SLC25A15: variants seen among roughly 807,000 people sequenced by gnomAD.
SLC25A15 encodes the protein mitochondrial ornithine transporter 1.
A neutral mutation model predicts 32.3 loss-of-function variants in SLC25A15; 24 were observed. That is an observed-to-expected ratio of 0.74 (90% CI 0.54 to 1.04). The LOEUF (loss-of-function observed/expected upper bound fraction) is 1.04, where lower values mean the gene tolerates loss of function less well. Among genes scored for constraint, SLC25A15 ranks in the 50% least tolerant of loss-of-function variants. The probability of loss-of-function intolerance (pLI) is 0.00; values close to 1 mark genes in which losing one functional copy is unlikely to be tolerated. For missense variants in SLC25A15, 317 were observed against 374.5 expected (o/e 0.85, Z 1.27); for synonymous variants, 132 against 142.1 (o/e 0.93, Z 0.51).
At position 40,810,030 on chromosome 13, in the gene SLC25A15, G is replaced by C; in HGVS notation, c.*363G>C. The C allele has an allele frequency of 3.3e-6, 1 of 299,118 alleles. No individual in the cohort carries two copies. Among genetic ancestry groups the C allele is most frequent in the South Asian group, 3.5e-5 (1 of 28,978 alleles). 18.5% of individuals were successfully genotyped at this position (299,118 alleles called of 1,614,324 possible). ...TATGTGTTGAGGGAAATACAGTTTG[G>C]TACCTTGTTTATTTCAAATATCAGA... On this transcript the variant is annotated 3_prime_UTR_variant, in exon 7 of 7. Coordinates refer to ENST00000338625, the MANE Select transcript of SLC25A15 (RefSeq NM_014252.4).
At chr13:40,808,324 A>C in intron 5 of SLC25A15, 114 bp from the exon 6 acceptor site, 1 of 888,638 alleles carries the variant, frequency 1.1e-6, no homozygotes, top group Non-Finnish European at 1.9e-6. Flanking sequence ...TGTATTCTGT[A>C]GCATTAGCAT....
In SLC25A15 at chr13:40,809,748, T is replaced by C. The variant is rs1319099297; in HGVS notation, c.*81T>C. ...AGGGTTTCTTGGAGTACAAGACCAG[T>C]GTGAAGTTATTCTGATTTCTTGGGA... On this transcript the variant is annotated 3_prime_UTR_variant, in exon 7 of 7. Transcript: ENST00000338625. 1.3e-6 allele frequency: 2 copies of C among 1,482,222 alleles called. No homozygotes were observed. Among genetic ancestry groups the C allele is most frequent in the African/African-American group, 2.8e-5 (2 of 72,432 alleles). The allele number at this position is 1,482,222 out of a possible 1,614,324, so 91.8% of individuals were successfully genotyped here.
chr13:40,806,483 G>C (rs1882178412), intron 4 of SLC25A15, among the ~76,000 whole-genome samples: 1 of 152,220 alleles, frequency 6.6e-6, no homozygotes, highest in African/African-American at 2.4e-5. Flanking sequence ...GGATTGGAAG[G>C]GAGGTTAATT....
intron 2 of SLC25A15, among the ~76,000 whole-genome samples, chr13:40,796,132 G>A (rs749610991): frequency 4.6e-5 from 7 of 152,188 alleles, no homozygotes; most frequent in African/African-American, 1.7e-4. Context: ...GGTCACCCAC[G>A]GAAGCGATCC....
intron 1 of SLC25A15, among the ~76,000 whole-genome samples, chr13:40,789,930 A>G (rs936029213): frequency 1.3e-5 from 2 of 152,076 alleles, no homozygotes; most frequent in African/African-American, 4.8e-5. Flanking sequence ...TCCGCGCCTC[A>G]GGGGCGCCAG....
intron 3 of SLC25A15, 35 bp downstream of exon 3, chr13:40,799,350 A>C: frequency 6.2e-7 from 1 of 1,613,282 alleles, no homozygotes; most frequent in Non-Finnish European, 8.5e-7. Context: ...TTATTTGTTT[A>C]AAAAAACCCC....
At position 40,793,270 on chromosome 13, in the gene SLC25A15, C is replaced by T. The variant is rs202247806; in HGVS notation, c.44C>T (p.Ala15Val). 11 of 1,613,602 alleles carry T rather than the reference C, an allele frequency of 6.8e-6. No individual in the cohort carries two copies. The highest frequency in any genetic ancestry group is 1.7e-5 in the Admixed American group (1 of 59,960). The change falls in exon 2 of 7, where the codon GCG (alanine) becomes GTG (valine). Residue 15 changes from alanine (A) to valine (V), a missense_variant. Ala to Val is a moderately conservative substitution (Grantham distance 64). Transcript: ENST00000338625. ...ATCCAGGCTGCCATTGACCTCACAGCGGGGGCTGCAGGTACAGTCATGTGC... is the reference window on the plus strand; with the variant it reads ...ATCCAGGCTGCCATTGACCTCACAGTGGGGGCTGCAGGTACAGTCATGTGC... ...PAIQAAIDLTAGAAGGTACVL... is the reference protein window; with the variant it reads ...PAIQAAIDLTVGAAGGTACVL...
At chr13:40,807,269 G>C in intron 4 of SLC25A15, 25 bp from the exon 5 acceptor site, 1 of 1,612,450 alleles carries the variant, frequency 6.2e-7, no homozygotes, top group Non-Finnish European at 8.5e-7. Flanking sequence ...CTGTAACCGT[G>C]CTATCTCTCT....
chr13:40,794,952 C>T (rs531730222), intron 2 of SLC25A15, among the ~76,000 whole-genome samples: 8 of 152,306 alleles, frequency 5.3e-5, no homozygotes, highest in East Asian at 1.9e-4. Flanking sequence ...GGAGAGAGCG[C>T]GTCACCGTCA....
At chr13:40,808,635 T>G (rs766582826) in intron 6 of SLC25A15, 39 bp downstream of exon 6, 6 of 1,577,778 alleles carry the variant, frequency 3.8e-6, no homozygotes, top group Admixed American at 3.4e-5. Flanking sequence ...TATATACATC[T>G]TAAAATCTGA....
rs73174820 is a variant in SLC25A15 at position 40,796,902 on chromosome 13, G to A, written c.56-2155G>A. 7.1e-3 allele frequency among the ~76,000 whole-genome samples: 1,083 copies of A among 152,258 alleles called. 12 individuals carry two copies. Among genetic ancestry groups the A allele is most frequent in the Admixed American group, 0.014 (214 of 15,290 alleles). The stretch of plus-strand genomic sequence containing the variant: ...GACATAATCTGAGTGCCTTTCCTGC[G>A]GAATAAGATGCTTGGCTGGCCACCA... On this transcript the variant is annotated intron_variant, in intron 2 of 6. Coordinates refer to ENST00000338625, the MANE Select transcript of SLC25A15 (RefSeq NM_014252.4).
intron 4 of SLC25A15, 21 bp from the exon 5 acceptor site, chr13:40,807,273 T>A (rs758060621): frequency 5.0e-6 from 8 of 1,613,372 alleles, no homozygotes; most frequent in Non-Finnish European, 6.8e-6. Context: ...AACCGTGCTA[T>A]CTCTCTGTGT....
chr13:40,809,008 A>C (rs1593296301), intron 6 of SLC25A15, among the ~76,000 whole-genome samples: 1 of 152,282 alleles, frequency 6.6e-6, no homozygotes, highest in Non-Finnish European at 1.5e-5. Flanking sequence ...AGTAACACAG[A>C]AACTTTGTGT....
intron 2 of SLC25A15, among the ~76,000 whole-genome samples, chr13:40,797,734 C>A (rs951014064): frequency 1.3e-5 from 2 of 152,162 alleles, no homozygotes; most frequent in African/African-American, 2.4e-5. Flanking sequence ...AATGTCCCTT[C>A]CCCCAACTCC....
intron 2 of SLC25A15, among the ~76,000 whole-genome samples, chr13:40,796,524 A>G (rs1228241363): frequency 3.3e-5 from 5 of 152,228 alleles, no homozygotes; most frequent in Non-Finnish European, 7.3e-5. Flanking sequence ...TGTTTAGCAT[A>G]GTTGGAGAAT....
intron 2 of SLC25A15, among the ~76,000 whole-genome samples, chr13:40,795,040 C>G (rs1437669037): frequency 6.6e-6 from 1 of 152,174 alleles, no homozygotes; most frequent in Non-Finnish European, 1.5e-5. Context: ...GCCCCAGATG[C>G]CCAGGGAACG....
chr13:40,797,434 T>C (rs1423193895), intron 2 of SLC25A15, among the ~76,000 whole-genome samples: 1 of 152,202 alleles, frequency 6.6e-6, no homozygotes, highest in African/African-American at 2.4e-5. Context: ...AATAATTAAA[T>C]TATTTTAATG....
chr13:40,799,605 A>G (rs1034617741), intron 3 of SLC25A15, among the ~76,000 whole-genome samples: 5 of 152,250 alleles, frequency 3.3e-5, no homozygotes, highest in African/African-American at 1.2e-4. Context: ...TTATGAAGTT[A>G]TACATTGTCA....
rs886050245 is a variant in SLC25A15 at position 40,811,262 on chromosome 13, G to A, written c.*1595G>A. Among the ~76,000 whole-genome samples, 24 of 152,146 alleles carry A rather than the reference G, an allele frequency of 1.6e-4. No individual in the cohort carries two copies. Among genetic ancestry groups the A allele is most frequent in the Non-Finnish European group, 2.2e-4 (15 of 68,016 alleles). Reference sequence around the variant, plus strand: ...TCCCAGCACTTTGGGAGGCTGAGGCGGGCGGGTCACAAGGTCAGGAGTTCG... The same window carrying A: ...TCCCAGCACTTTGGGAGGCTGAGGCAGGCGGGTCACAAGGTCAGGAGTTCG... On this transcript the variant is annotated 3_prime_UTR_variant, in exon 7 of 7. Transcript: ENST00000338625.
Sources: gnomAD v4.1 joint callset for allele counts (sites outside exome capture counted in the v4.1 genomes callset) on GRCh38, gnomAD v4.1.1 for gene constraint, MANE v1.5 for transcripts, NCBI Gene and HGNC (gene_info 2026-07-23, HGNC 2026-07-21) for gene names.